Variants in CYB5B observed in about 807,000 individuals in gnomAD.
The protein encoded by CYB5B is cytochrome b5 type B (outer mitochondrial membrane).
Under a neutral mutation model 21.3 loss-of-function variants are expected in CYB5B, and 14 were observed. The observed-to-expected ratio is 0.66, with a 90% confidence interval of 0.43 to 1.03. The LOEUF (loss-of-function observed/expected upper bound fraction) is 1.03, where lower values mean the gene tolerates loss of function less well. Among genes scored for constraint, CYB5B ranks in the 50% least tolerant of loss-of-function variants. The pLI is 0.00. For missense variants in CYB5B, 166 were observed against 185.1 expected, an observed-to-expected ratio of 0.90 and a Z score of 0.60; for synonymous variants, 69 against 68.4, an observed-to-expected ratio of 1.01 and a Z score of -0.04.
At chr16:69,448,964 T>A (rs937620557) in intron 3 of CYB5B, 7 of 152,200 alleles carry the variant, frequency 4.6e-5, no homozygotes, top group Non-Finnish European at 1.0e-4. Flanking sequence ...GACACAGCAA[T>A]TAAAGTTGGC....
At chr16:69,431,293 G>A (rs549607893) in intron 1 of CYB5B, among the ~76,000 whole-genome samples, 1 of 152,150 alleles carries the variant, frequency 6.6e-6, no homozygotes, top group South Asian at 2.1e-4. Context: ...CGGCCTATAT[G>A]TGTTTTTAGA....
In CYB5B at chr16:69,464,411, A is replaced by G. The variant is rs2015066635; in HGVS notation, c.*1891A>G. 1 of 152,220 alleles carries G rather than the reference A, an allele frequency of 6.6e-6. No homozygotes were observed. Among genetic ancestry groups the G allele is most frequent in the East Asian group, 1.9e-4 (1 of 5,198 alleles). The allele number at this position is 152,220 out of a possible 1,614,324, so 9.4% of individuals were successfully genotyped here. ...AAAAAACTTTGGTTATTATTTAACA[A>G]AAGTGGTATGACTTGATGCTTCTCT... On this transcript the variant is annotated 3_prime_UTR_variant, in exon 5 of 5. Coordinates refer to ENST00000307892, the MANE Select transcript of CYB5B (RefSeq NM_030579.3).
chr16:69,459,979 G>A lies in CYB5B; in HGVS notation c.362+858G>A, dbSNP rs553856766. Among the ~76,000 whole-genome samples the A allele has an allele frequency of 5.3e-5, 8 of 152,208 alleles. No homozygotes were observed. In the South Asian group the frequency reaches 1.7e-3, roughly 32 times the overall value. Reference sequence around the variant, plus strand: ...CTTATGCTTATGCAGGGCCGGGCGCGGTGGCTCACGCTTGTAATCCCAGCA... The same window carrying A: ...CTTATGCTTATGCAGGGCCGGGCGCAGTGGCTCACGCTTGTAATCCCAGCA... On this transcript the variant is annotated intron_variant, in intron 4 of 4. Transcript: ENST00000307892.
intron 4 of CYB5B, chr16:69,459,491 A>G (rs2015012973): frequency 5.4e-6 from 1 of 183,686 alleles, no homozygotes; most frequent in African/African-American, 2.3e-5. Context: ...TTTACTTCTC[A>G]CAACCACTCT....
At chr16:69,453,181 A>C (rs1288503291) in intron 3 of CYB5B, among the ~76,000 whole-genome samples, 1 of 152,154 alleles carries the variant, frequency 6.6e-6, no homozygotes, top group Non-Finnish European at 1.5e-5. Flanking sequence ...AGCTTGACTT[A>C]TGAAATCTAG....
rs911618212 is a variant in CYB5B at position 69,464,746 on chromosome 16, G to T, written c.*2226G>T. The stretch of plus-strand genomic sequence containing the variant: ...AAGGTATGTTTTTCTACTTCACATT[G>T]GTTTTCTTTTCCTGTTTACATCTGC... On this transcript the variant is annotated 3_prime_UTR_variant, in exon 5 of 5. Coordinates refer to ENST00000307892, the MANE Select transcript of CYB5B (RefSeq NM_030579.3). The T allele has an allele frequency of 6.6e-6, 1 of 152,642 alleles. No individual in the cohort carries two copies. The highest frequency in any genetic ancestry group is 1.5e-5 in the Non-Finnish European group (1 of 68,036). The allele number at this position is 152,642 out of a possible 1,614,324, so 9.5% of individuals were successfully genotyped here.
chr16:69,457,987 G>A (rs1257103975), intron 3 of CYB5B, among the ~76,000 whole-genome samples: 2 of 152,100 alleles, frequency 1.3e-5, no homozygotes, highest in African/African-American at 4.8e-5. Context: ...TCTACATTTT[G>A]CAAAGATGGT....
intron 3 of CYB5B, among the ~76,000 whole-genome samples, chr16:69,452,473 G>C (rs1273533262): frequency 1.3e-5 from 2 of 151,808 alleles, no homozygotes; most frequent in Admixed American, 6.6e-5. Flanking sequence ...ACGAGGCCAG[G>C]AGTTCGAGAC....
intron 1 of CYB5B, among the ~76,000 whole-genome samples, chr16:69,438,556 A>G (rs1215151306): frequency 3.3e-5 from 5 of 151,650 alleles, no homozygotes; most frequent in African/African-American, 1.2e-4. Flanking sequence ...TTTTAATTGT[A>G]GCCATCCTAG....
chr16:69,459,175 ACT>A, intron 4 of CYB5B, 54 bp downstream of exon 4: 3 of 1,574,828 alleles, frequency 1.9e-6, no homozygotes, highest in South Asian at 2.4e-5. Flanking sequence ...CTGGCAAGAG[ACT>A]CTTCCATAAG....
At chr16:69,437,521 T>C (rs894193044) in intron 1 of CYB5B, among the ~76,000 whole-genome samples, 23 of 152,186 alleles carry the variant, frequency 1.5e-4, no homozygotes, top group Non-Finnish European at 2.6e-4. Flanking sequence ...TCTATCTTGT[T>C]TTGTTAGGAT....
chr16:69,451,097 G>A (rs1220033189), intron 3 of CYB5B, among the ~76,000 whole-genome samples: 4 of 151,138 alleles, frequency 2.6e-5, no homozygotes, highest in Admixed American at 1.3e-4. Flanking sequence ...ACTTAAAGAT[G>A]TAGCAACAGA....
chr16:69,447,439 C>T (rs929440856), intron 2 of CYB5B, among the ~76,000 whole-genome samples, 161 bp downstream of exon 2: 8 of 152,008 alleles, frequency 5.3e-5, no homozygotes, highest in African/African-American at 1.2e-4. Flanking sequence ...GTCAGGAGTT[C>T]GAGACCAGCC....
Position 69,464,089 on chromosome 16 carries a change from C to T in CYB5B, c.*1569C>T, listed in dbSNP as rs2015062753. On this transcript the variant is annotated 3_prime_UTR_variant, in exon 5 of 5. Coordinates refer to ENST00000307892, the MANE Select transcript of CYB5B (RefSeq NM_030579.3). ...TGCTCAGCATCTCCTCCCTCCCTCC[C>T]AGCTTGCCAGGGATTTGATGAGACA... 6.6e-6 allele frequency: 1 copy of T among 152,204 alleles called. No homozygotes were observed. The highest frequency in any genetic ancestry group is 2.4e-5 in the African/African-American group (1 of 41,444). The allele number at this position is 152,204 out of a possible 1,614,324, so 9.4% of individuals were successfully genotyped here.
chr16:69,456,461 G>C (rs1016550329), intron 3 of CYB5B, among the ~76,000 whole-genome samples: 1 of 152,200 alleles, frequency 6.6e-6, no homozygotes, highest in Admixed American at 6.5e-5. Flanking sequence ...AAAACTCACA[G>C]CAATTTTGTT....
intron 2 of CYB5B, 69 bp downstream of exon 2, chr16:69,447,347 G>T: frequency 1.3e-6 from 2 of 1,558,510 alleles, no homozygotes; most frequent in South Asian, 2.3e-5. Flanking sequence ...ACAGGATGAA[G>T]AAATGAATTA....
At chr16:69,429,389 T>G (rs1158126223) in intron 1 of CYB5B, among the ~76,000 whole-genome samples, 1 of 152,168 alleles carries the variant, frequency 6.6e-6, no homozygotes, top group Non-Finnish European at 1.5e-5. Flanking sequence ...AGAGTGCCGA[T>G]TGGTCCATTT....
chr16:69,432,014 G>A (rs1481005547), intron 1 of CYB5B, among the ~76,000 whole-genome samples: 1 of 152,186 alleles, frequency 6.6e-6, no homozygotes, highest in African/African-American at 2.4e-5. Flanking sequence ...AAAGAATACA[G>A]AAAAGAGCAT....
intron 3 of CYB5B, among the ~76,000 whole-genome samples, chr16:69,456,648 T>G (rs1461838021): frequency 6.6e-6 from 1 of 152,198 alleles, no homozygotes; most frequent in African/African-American, 2.4e-5. Context: ...GGCATGGACA[T>G]AACCAGCTAG....
Sources: allele counts gnomAD v4.1 joint callset (sites outside exome capture counted in the v4.1 genomes callset), GRCh38; gene constraint gnomAD v4.1.1; transcripts MANE v1.5; gene names NCBI Gene and HGNC (gene_info 2026-07-23, HGNC 2026-07-21).